JAZF1: variants seen among roughly 807,000 people sequenced by gnomAD.
JAZF1 encodes JAZF zinc finger 1.
A neutral mutation model predicts 26.4 loss-of-function variants in JAZF1; 8 were observed. The ratio of observed to expected loss-of-function variants is 0.30; its 90% confidence interval spans 0.18 to 0.55. JAZF1 has a LOEUF of 0.55. JAZF1 is among the 20% of genes least tolerant of loss of function. The pLI, the probability that JAZF1 is intolerant of heterozygous loss-of-function variation, is 0.94. For synonymous variants in JAZF1, 126 were observed against 122.3 expected (o/e 1.03, Z -0.20); for missense variants, 199 against 322.0 (o/e 0.62, Z 2.92).
chr7:28,047,321 A>G (rs759817413), intron 1 of JAZF1, among the ~76,000 whole-genome samples: 7 of 152,062 alleles, frequency 4.6e-5, no homozygotes, highest in Non-Finnish European at 1.0e-4. Flanking sequence ...ATTTTTGCTT[A>G]CTTATTCTCC....
At position 27,832,788 on chromosome 7, in the gene JAZF1, A is replaced by G. The variant is rs199875128; in HGVS notation, c.*12T>C. 2.1e-5 allele frequency: 32 copies of G among 1,550,762 alleles called. No individual in the cohort carries two copies. Among genetic ancestry groups the G allele is most frequent in the Admixed American group, 1.9e-4 (10 of 52,794 alleles). Reference sequence around the variant, plus strand: ...CTGGTGAGGATTTCTTGGCACAGTTATGACCAGCATGTTATTGCTGCATCT... The same window carrying G: ...CTGGTGAGGATTTCTTGGCACAGTTGTGACCAGCATGTTATTGCTGCATCT... On this transcript the variant is annotated 3_prime_UTR_variant, in exon 5 of 5. Transcript: ENST00000283928.
At chr7:27,951,992 C>T (rs1204334816) in intron 2 of JAZF1, among the ~76,000 whole-genome samples, 3 of 152,146 alleles carry the variant, frequency 2.0e-5, no homozygotes, top group East Asian at 3.9e-4. Context: ...ACTGAGCCAA[C>T]GCAGAATATT....
At chr7:27,842,611 G>A (rs902283964) in intron 3 of JAZF1, 3 of 152,146 alleles carry the variant, frequency 2.0e-5, no homozygotes, top group Non-Finnish European at 4.4e-5. Context: ...GTTTGGAAAC[G>A]CTTGTACCAA....
Position 28,115,880 on chromosome 7 carries a change from AGGGAGCATACTATATAT to A in JAZF1, c.115+64566_115+64582del, listed in dbSNP as rs562906942. ...ATATTTTGTCTCCTTTCTACATCAAAGGGAGCATACTATATATGGTTCTATACTTTGGTGGGGTTTTT... is the reference window on the plus strand; with the variant it reads ...ATATTTTGTCTCCTTTCTACATCAAAGGTTCTATACTTTGGTGGGGTTTTT... On this transcript the variant is annotated intron_variant, in intron 1 of 4. Transcript: ENST00000283928. Among the ~76,000 whole-genome samples, 363 of 152,294 alleles carry A rather than the reference AGGGAGCATACTATATAT, an allele frequency of 2.4e-3. 3 individuals are homozygous for A. The highest frequency in any genetic ancestry group is 8.4e-3 in the African/African-American group (350 of 41,562).
In JAZF1 at chr7:28,180,290, C is replaced by T. The variant is rs1254485534; in HGVS notation, c.115+173G>A. ...CTCCCCCACCCGAGCCCGCTCCCCG[C>T]CCCCCGGCACCTCGCGCCCCCGCAT... On this transcript the variant is annotated intron_variant, in intron 1 of 4. Transcript: ENST00000283928. 3.0e-3 allele frequency: 549 copies of T among 181,902 alleles called. 2 individuals carry two copies. The highest frequency in any genetic ancestry group is 7.7e-3 in the Middle Eastern group (4 of 520). The allele number at this position is 181,902 out of a possible 1,614,324, so 11.3% of individuals were successfully genotyped here.
At chr7:28,070,672 T>A (rs778484969) in intron 1 of JAZF1, among the ~76,000 whole-genome samples, 33 of 152,158 alleles carry the variant, frequency 2.2e-4, no homozygotes, top group Non-Finnish European at 4.1e-4. Flanking sequence ...CCCTGCAATG[T>A]TTCAAGGTAG....
At chr7:27,969,319 G>A (rs754820390) in intron 2 of JAZF1, among the ~76,000 whole-genome samples, 3 of 152,052 alleles carry the variant, frequency 2.0e-5, no homozygotes, top group Non-Finnish European at 2.9e-5. Flanking sequence ...GAGAGAGGAC[G>A]TTGGCAAGGA....
chr7:27,990,976 G>C (rs1366534888), intron 2 of JAZF1, among the ~76,000 whole-genome samples: 1 of 152,146 alleles, frequency 6.6e-6, no homozygotes, highest in East Asian at 1.9e-4. Context: ...ATGTTTCATA[G>C]AAGAACCTGA....
chr7:28,067,567 G>C (rs561131699), intron 1 of JAZF1, among the ~76,000 whole-genome samples: 6 of 152,294 alleles, frequency 3.9e-5, no homozygotes, highest in African/African-American at 1.4e-4. Flanking sequence ...CTGCTGGAAA[G>C]CTCTGGAGAA....
At chr7:27,999,101 A>G (rs1357980797) in intron 1 of JAZF1, among the ~76,000 whole-genome samples, 2 of 152,228 alleles carry the variant, frequency 1.3e-5, no homozygotes, top group African/African-American at 4.8e-5. Context: ...GCCAGAAACC[A>G]TAATGGCTGC....
chr7:28,015,400 A>G (rs1782873738), intron 1 of JAZF1, among the ~76,000 whole-genome samples: 1 of 152,210 alleles, frequency 6.6e-6, no homozygotes, highest in Non-Finnish European at 1.5e-5. Context: ...ATTAATTGTA[A>G]CAAATAGACT....
At chr7:27,901,145 C>T (rs140815870) in intron 2 of JAZF1, among the ~76,000 whole-genome samples, 3 of 152,230 alleles carry the variant, frequency 2.0e-5, no homozygotes, top group East Asian at 3.9e-4. Flanking sequence ...TGAAAATCTG[C>T]GGTCAGGCAA....
intron 1 of JAZF1, among the ~76,000 whole-genome samples, chr7:27,997,534 C>T (rs982697834): frequency 2.0e-5 from 3 of 152,144 alleles, no homozygotes; most frequent in Non-Finnish European, 1.5e-5. Flanking sequence ...TCCATGCTTC[C>T]ATCCAGAGCC....
At chr7:27,942,353 C>T (rs1784860402) in intron 2 of JAZF1, among the ~76,000 whole-genome samples, 1 of 152,138 alleles carries the variant, frequency 6.6e-6, no homozygotes, top group South Asian at 2.1e-4. Flanking sequence ...TTTGTAGGTA[C>T]AAATGTCTTA....
intron 3 of JAZF1, among the ~76,000 whole-genome samples, chr7:27,848,733 A>T (rs989848576): frequency 1.3e-5 from 2 of 152,224 alleles, no homozygotes; most frequent in African/African-American, 4.8e-5. Flanking sequence ...ATGTCATGGC[A>T]GCCAAAATGC....
intron 2 of JAZF1, among the ~76,000 whole-genome samples, chr7:27,902,686 C>T (rs559273961): frequency 6.6e-6 from 1 of 152,270 alleles, no homozygotes; most frequent in East Asian, 1.9e-4. Flanking sequence ...CCTGACACTT[C>T]GTGCTTAACA....
Position 28,101,832 on chromosome 7 carries a change from A to C in JAZF1, c.115+78631T>G, listed in dbSNP as rs1784476287. Among the ~76,000 whole-genome samples the C allele has an allele frequency of 2.6e-5, 4 of 152,180 alleles. No individual in the cohort carries two copies. In the South Asian group the frequency reaches 8.3e-4, roughly 31 times the overall value. The stretch of plus-strand genomic sequence containing the variant: ...GTAAAGAAAACAAACAAACAAATAA[A>C]CAAAAACAAATACAATTTAACTGCT... On this transcript the variant is annotated intron_variant, in intron 1 of 4. Transcript: ENST00000283928.
intron 1 of JAZF1, among the ~76,000 whole-genome samples, chr7:28,159,708 G>T (rs1783250114): frequency 6.6e-6 from 1 of 152,166 alleles, no homozygotes; most frequent in Non-Finnish European, 1.5e-5. Flanking sequence ...TGGGGCTTCA[G>T]TCGCAGTCTT....
intron 1 of JAZF1, chr7:28,020,537 G>C (rs1033111342): frequency 2.1e-6 from 1 of 470,964 alleles, no homozygotes; most frequent in Non-Finnish European, 4.4e-6. Flanking sequence ...GTGGTTACAA[G>C]TGTCATGACA....
Sources: gnomAD v4.1 joint callset for allele counts (sites outside exome capture counted in the v4.1 genomes callset) on GRCh38, gnomAD v4.1.1 for gene constraint, MANE v1.5 for transcripts, NCBI Gene and HGNC (gene_info 2026-07-23, HGNC 2026-07-21) for gene names.